Variants in STX11 observed in about 807,000 individuals in gnomAD.
STX11 encodes the protein syntaxin-11.
In STX11, 21 loss-of-function variants were observed where a neutral mutation model predicts 19.9. The observed-to-expected ratio is 1.06, with a 90% confidence interval of 0.75 to 1.52. The LOEUF is 1.52. STX11 is among the 40% of genes most tolerant of loss of function. The pLI is 0.00. For synonymous variants in STX11, 193 were observed against 174.4 expected (o/e 1.11, Z -0.84); for missense variants, 438 against 405.9 (o/e 1.08, Z -0.68).
At chr6:144,168,416 C>T (rs1222710077) in intron 1 of STX11, among the ~76,000 whole-genome samples, 3 of 152,312 alleles carry the variant, frequency 2.0e-5, no homozygotes, top group Non-Finnish European at 4.4e-5. Context: ...ATGGTATCTT[C>T]CTTGTCACTA....
At chr6:144,140,097 A>G in the STX11 span, among the ~76,000 whole-genome samples, 1 of 150,908 alleles carries the variant, frequency 6.6e-6, no homozygotes, top group African/African-American at 2.4e-5. Flanking sequence ...GCAAGGTCTC[A>G]AAAAGATCAT....
the STX11 span, among the ~76,000 whole-genome samples, chr6:144,145,009 T>C: frequency 4.6e-5 from 7 of 152,056 alleles, no homozygotes; most frequent in Non-Finnish European, 8.8e-5. Context: ...AAATTAAACA[T>C]AGAATTACCA....
At chr6:144,141,415 A>G in the STX11 span, among the ~76,000 whole-genome samples, 1 of 152,244 alleles carries the variant, frequency 6.6e-6, no homozygotes, top group Non-Finnish European at 1.5e-5. Flanking sequence ...ACAATTTAAC[A>G]AATACCAAAA....
chr6:144,154,013 C>G lies in STX11; in HGVS notation c.-6+3310C>G, dbSNP rs1801071672. ...TGCTTATTAAGGGCCATGTACTATC[C>G]TAGACTCACTATGTGCGTTAAGCCT... is the stretch of plus-strand genomic sequence containing the variant. On this transcript the variant is annotated intron_variant, in intron 1 of 1. Transcript: ENST00000367568. This position sits in a 1 kb window ranked among gnomAD's most constrained non-coding sequence, Gnocchi z 4.7. 6.6e-6 allele frequency among the ~76,000 whole-genome samples: 1 copy of G among 152,174 alleles called. No homozygotes were observed. The highest frequency in any genetic ancestry group is 2.4e-5 in the African/African-American group (1 of 41,448).
intron 1 of STX11, among the ~76,000 whole-genome samples, chr6:144,164,246 A>G (rs1300241323): frequency 6.6e-6 from 1 of 152,232 alleles, no homozygotes; most frequent in Non-Finnish European, 1.5e-5. Flanking sequence ...AACTTGGTTT[A>G]TAAAAATAAA....
chr6:144,169,625 C>T lies in STX11; in HGVS notation c.-5-16998C>T, dbSNP rs1157263308. On this transcript the variant is annotated intron_variant, in intron 1 of 1. Coordinates refer to ENST00000367568, the MANE Select transcript of STX11 (RefSeq NM_003764.4). The surrounding 1 kb of genome is among the most constrained non-coding windows in gnomAD (Gnocchi z 5.2). ...ATACAGTGTTTTCCTCCCTCCTCCC[C>T]TTCCTTTTTTCTCTCCTTTTCTTTT... Among the ~76,000 whole-genome samples the T allele has an allele frequency of 3.3e-5, 5 of 151,976 alleles. No individual in the cohort carries two copies. The highest frequency in any genetic ancestry group is 2.1e-4 in the South Asian group (1 of 4,818).
Position 144,165,821 on chromosome 6 carries a change from C to A in STX11, c.-6+15118C>A, listed in dbSNP as rs904154178. Among the ~76,000 whole-genome samples the A allele has an allele frequency of 2.0e-5, 3 of 152,176 alleles. No individual in the cohort carries two copies. The highest frequency in any genetic ancestry group is 1.3e-4 in the Admixed American group (2 of 15,278). On this transcript the variant is annotated intron_variant, in intron 1 of 1. Transcript: ENST00000367568. This position sits in a 1 kb window ranked among gnomAD's most constrained non-coding sequence, Gnocchi z 5.8. ...TACTTTAAAGTTAACAAAGTGCTCT[C>A]ATGTACATAACTTACGTAACTTAAC...
rs986808279 is a variant in STX11 at position 144,188,716 on chromosome 6, TTC to T, written c.*1227_*1228del. ...ACTTTCTCAATTATTGTTAAAATTT[TTC>T]TTTTTCCTTTTTTTTTTTTTTTTTT... On this transcript the variant is annotated 3_prime_UTR_variant, in exon 2 of 2. Transcript: ENST00000367568. Among the ~76,000 whole-genome samples, 2 of 148,724 alleles carry T rather than the reference TTC, an allele frequency of 1.3e-5. No individual in the cohort carries two copies. Among genetic ancestry groups the T allele is most frequent in the Non-Finnish European group, 2.9e-5 (2 of 67,826 alleles).
rs149004954 is a variant in STX11, at chr6:144,177,337, T to TTA, written c.-5-9285_-5-9284dup. ...GCCAAAGGGAAATCAGATGTAAGAG[T>TTA]TACAACAACTGTTTTAGTTTGTAAA... On this transcript the variant is annotated intron_variant, in intron 1 of 1. Coordinates refer to ENST00000367568, the MANE Select transcript of STX11 (RefSeq NM_003764.4). The surrounding 1 kb of genome is among the most constrained non-coding windows in gnomAD (Gnocchi z 4.4). 0.038 allele frequency among the ~76,000 whole-genome samples: 5,858 copies of TTA among 152,218 alleles called. 242 individuals carry two copies. Among genetic ancestry groups the TTA allele is most frequent in the East Asian group, 0.2 (1,048 of 5,170 alleles).
rs1285915151 is a variant in STX11 at position 144,172,819 on chromosome 6, T to C, written c.-5-13804T>C. Among the ~76,000 whole-genome samples, 2 of 152,000 alleles carry C rather than the reference T, an allele frequency of 1.3e-5. No individual in the cohort carries two copies. Among genetic ancestry groups the C allele is most frequent in the Admixed American group, 1.3e-4 (2 of 15,240 alleles). ...TCCCAAGACAATGAACAGGCTGTCT[T>C]TCCCATACACATCCAACATATAATG... On this transcript the variant is annotated intron_variant, in intron 1 of 1. Transcript: ENST00000367568. This position sits in a 1 kb window ranked among gnomAD's most constrained non-coding sequence, Gnocchi z 4.2.
chr6:144,176,205 T>C lies in STX11; in HGVS notation c.-5-10418T>C, dbSNP rs6913844. 0.57 allele frequency among the ~76,000 whole-genome samples: 86,454 copies of C among 151,758 alleles called. 27,635 individuals are homozygous for C. Among genetic ancestry groups the C allele is most frequent in the African/African-American group, 0.88 (36,295 of 41,416 alleles). On this transcript the variant is annotated intron_variant, in intron 1 of 1. Transcript: ENST00000367568. This position sits in a 1 kb window ranked among gnomAD's most constrained non-coding sequence, Gnocchi z 4.1. ...ACAACACTAGCGCCTCCCGACCTAG[T>C]ACCTCCCCACACTAGCGCCTCCCAC... is the stretch of plus-strand genomic sequence containing the variant.
chr6:144,187,297 G>T lies in STX11; in HGVS notation c.670G>T (p.Val224Leu), dbSNP rs149806735. The T allele has an allele frequency of 2.5e-6, 4 of 1,612,450 alleles. No homozygotes were observed. In the African/African-American group the frequency reaches 4.0e-5, roughly 16 times the overall value. ...GCGCCTGGAGAGCCGCATCCGCGAC[G>T]TACACGAGCTCTTCTTGCAGATGGC... Reference protein sequence around the residue: ...LLRLESRIRDVHELFLQMAVL... With the variant: ...LLRLESRIRDLHELFLQMAVL... Residue 224 changes from valine to leucine, a missense_variant, in exon 2 of 2, where the codon GTA (valine) becomes TTA (leucine). Val to Leu is a conservative substitution (Grantham distance 32, BLOSUM62 1). Coordinates refer to ENST00000367568, the MANE Select transcript of STX11 (RefSeq NM_003764.4). The surrounding 1 kb of genome is among the most constrained non-coding windows in gnomAD (Gnocchi z 5.6).
chr6:144,141,653 TTTGTTGTTGTTG>T, the STX11 span, among the ~76,000 whole-genome samples: 995 of 150,468 alleles, frequency 6.6e-3, 7 homozygotes, highest in East Asian at 0.046. Flanking sequence ...TATTTTCAGT[TTTGTTGTTGTTG>T]TTGTTGTTGT....
rs1331554948 is a variant in STX11 at position 144,186,945 on chromosome 6, C to A, written c.318C>A (p.Ala106=). 6.2e-7 allele frequency: 1 copy of A among 1,609,770 alleles called. No individual in the cohort carries two copies. The highest frequency in any genetic ancestry group is 1.7e-5 in the Admixed American group (1 of 59,986). The part of the protein sequence containing the change: ...RGEVIHCKLR[A]MKELSEAAEA... Reference sequence around the variant, plus strand: ...AGGTCATCCACTGCAAGCTGCGCGCCATGAAGGAGCTGAGCGAGGCGGCTG... The same window carrying A: ...AGGTCATCCACTGCAAGCTGCGCGCAATGAAGGAGCTGAGCGAGGCGGCTG... Residue 106 remains alanine (A), a synonymous_variant, in exon 2 of 2, where the codon GCC becomes GCA. Transcript: ENST00000367568.
chr6:144,162,009 C>T lies in STX11; in HGVS notation c.-6+11306C>T, dbSNP rs575446282. Among the ~76,000 whole-genome samples the T allele has an allele frequency of 6.6e-6, 1 of 152,264 alleles. No individual in the cohort carries two copies. The highest frequency in any genetic ancestry group is 2.4e-5 in the African/African-American group (1 of 41,556). On this transcript the variant is annotated intron_variant, in intron 1 of 1. Coordinates refer to ENST00000367568, the MANE Select transcript of STX11 (RefSeq NM_003764.4). This position sits in a 1 kb window ranked among gnomAD's most constrained non-coding sequence, Gnocchi z 4.6. Reference sequence around the variant, plus strand: ...GAAGGAGGAGGGTTTGAAGGTGCAACATTCCATGTAAAAATATTCACTGAA... The same window carrying T: ...GAAGGAGGAGGGTTTGAAGGTGCAATATTCCATGTAAAAATATTCACTGAA...
rs546696117 is a variant in STX11 at position 144,167,861 on chromosome 6, C to A, written c.-6+17158C>A. 3.9e-5 allele frequency among the ~76,000 whole-genome samples: 6 copies of A among 152,244 alleles called. No individual in the cohort carries two copies. Among genetic ancestry groups the A allele is most frequent in the African/African-American group, 9.6e-5 (4 of 41,540 alleles). ...GTCTTGAACTCCTTGACTCAAACAG[C>A]CTGCCTGCCTAAGCCTCCCAAAGTG... On this transcript the variant is annotated intron_variant, in intron 1 of 1. Transcript: ENST00000367568. This position sits in a 1 kb window ranked among gnomAD's most constrained non-coding sequence, Gnocchi z 5.0.
chr6:144,188,725 C>CTTTTTTTT lies in STX11; in HGVS notation c.*1246_*1253dup, dbSNP rs11356106. Among the ~76,000 whole-genome samples the CTTTTTTTT allele has an allele frequency of 2.5e-5, 3 of 117,926 alleles. No homozygotes were observed. The highest frequency in any genetic ancestry group is 6.9e-5 in the African/African-American group (2 of 28,958). The allele number at this position is 117,926 out of a possible 152,430, so 77.4% of individuals were successfully genotyped here. A position where few individuals can be genotyped will look rare whatever the true frequency, so the allele number is the denominator to read the frequency against. On this transcript the variant is annotated 3_prime_UTR_variant, in exon 2 of 2. Coordinates refer to ENST00000367568, the MANE Select transcript of STX11 (RefSeq NM_003764.4). ...ATTATTGTTAAAATTTTTCTTTTTC[C>CTTTTTTTT]TTTTTTTTTTTTTTTTTTTGAGATG...
rs1184146738 is a variant in STX11, at chr6:144,184,886, G to T, written c.-5-1737G>T. On this transcript the variant is annotated intron_variant, in intron 1 of 1. Transcript: ENST00000367568. This position sits in a 1 kb window ranked among gnomAD's most constrained non-coding sequence, Gnocchi z 6.5. ...TATATATTAAGTATCTTAACCTCTT[G>T]TCTGTCATATATTATAATTTCTCCC... Among the ~76,000 whole-genome samples the T allele has an allele frequency of 2.0e-5, 3 of 152,014 alleles. No homozygotes were observed. Among genetic ancestry groups the T allele is most frequent in the Non-Finnish European group, 4.4e-5 (3 of 68,018 alleles).
intron 1 of STX11, among the ~76,000 whole-genome samples, chr6:144,171,034 C>T (rs1466373820): frequency 1.3e-5 from 2 of 152,206 alleles, no homozygotes; most frequent in Non-Finnish European, 2.9e-5. Context: ...TTGAAAAGCA[C>T]TCTTCGATTA....
Sources: gnomAD v4.1 joint callset for allele counts (sites outside exome capture counted in the v4.1 genomes callset) on GRCh38, gnomAD v4.1.1 for gene constraint, Gnocchi (gnomAD v3.1) non-coding constraint, MANE v1.5 for transcripts, NCBI Gene and HGNC (gene_info 2026-07-23, HGNC 2026-07-21) for gene names.